SORCS1: variants seen among roughly 807,000 people sequenced by gnomAD.
The protein encoded by SORCS1 is VPS10 domain-containing receptor SorCS1.
A neutral mutation model predicts 146.1 loss-of-function variants in SORCS1; 60 were observed. The observed-to-expected ratio is 0.41, with a 90% CI of 0.33 to 0.51. The LOEUF (loss-of-function observed/expected upper bound fraction) is 0.51, where lower values mean the gene tolerates loss of function less well. Ranked by LOEUF, SORCS1 falls within the 20% of genes least tolerant of loss-of-function variation. The pLI is 0.21. For synonymous variants in SORCS1, 637 were observed against 584.0 expected (o/e 1.09, Z -1.31); for missense variants, 1,352 against 1,487.6 (o/e 0.91, Z 1.50).
At chr10:106,726,231 T>G (rs1418890000) in intron 6 of SORCS1, among the ~76,000 whole-genome samples, 4 of 136,834 alleles carry the variant, frequency 2.9e-5, no homozygotes, top group African/African-American at 1.1e-4. Flanking sequence ...TCAGGTGTTA[T>G]GCTTGGACCC....
intron 5 of SORCS1, among the ~76,000 whole-genome samples, chr10:106,740,982 C>T (rs970480330): frequency 6.6e-6 from 1 of 152,106 alleles, no homozygotes; most frequent in South Asian, 2.1e-4. Flanking sequence ...CCGAATAATA[C>T]GATTGTTGTG....
intron 1 of SORCS1, among the ~76,000 whole-genome samples, chr10:107,053,394 C>A (rs1960310848): frequency 6.6e-6 from 1 of 152,118 alleles, no homozygotes; most frequent in African/African-American, 2.4e-5. Flanking sequence ...ACAAAACAAT[C>A]CACGGGTCAC....
At chr10:107,096,102 G>A (rs570206394) in intron 1 of SORCS1, among the ~76,000 whole-genome samples, 1 of 152,120 alleles carries the variant, frequency 6.6e-6, no homozygotes, top group Non-Finnish European at 1.5e-5. Flanking sequence ...AAGTGGGCAC[G>A]GTTACTCATG....
chr10:107,071,168 T>C (rs574908674), intron 1 of SORCS1, among the ~76,000 whole-genome samples: 118 of 152,116 alleles, frequency 7.8e-4, no homozygotes, highest in South Asian at 6.9e-3. Flanking sequence ...CAGAGAAAAC[T>C]GGTTGTCCTC....
chr10:106,610,711 C>T (rs953830877), intron 22 of SORCS1, among the ~76,000 whole-genome samples: 2 of 152,184 alleles, frequency 1.3e-5, no homozygotes, highest in Non-Finnish European at 1.5e-5. Flanking sequence ...TAACTCACTT[C>T]TGATTTTCCG....
intron 2 of SORCS1, among the ~76,000 whole-genome samples, chr10:106,892,203 G>A (rs926104737): frequency 1.3e-5 from 2 of 152,186 alleles, no homozygotes; most frequent in Admixed American, 6.5e-5. Context: ...ATGGGAACAC[G>A]TGTCAACAAG....
intron 1 of SORCS1, among the ~76,000 whole-genome samples, chr10:107,154,016 T>C (rs1424624663): frequency 4.2e-5 from 6 of 141,984 alleles, no homozygotes; most frequent in Middle Eastern, 3.5e-3. Context: ...TTCTTTTTTT[T>C]TTTTTTTTTT....
intron 12 of SORCS1, among the ~76,000 whole-genome samples, chr10:106,678,116 G>T (rs1216824515): frequency 6.6e-6 from 1 of 152,168 alleles, no homozygotes; most frequent in African/African-American, 2.4e-5. Flanking sequence ...TTTCTCGTCA[G>T]ATTATTAGTG....
At chr10:107,077,544 T>G (rs1024433877) in intron 1 of SORCS1, among the ~76,000 whole-genome samples, 3 of 151,426 alleles carry the variant, frequency 2.0e-5, no homozygotes, top group African/African-American at 7.3e-5. Context: ...AGTTAATAAT[T>G]GGTGATGTTT....
chr10:106,846,678 GC>G, intron 2 of SORCS1, among the ~76,000 whole-genome samples: 1 of 14,512 alleles, frequency 6.9e-5, no homozygotes, highest in Non-Finnish European at 1.3e-4. Context: ...CAAAGGGAAT[GC>G]TTCCAGTTTT....
chr10:107,082,725 C>G (rs1482777127), intron 1 of SORCS1, among the ~76,000 whole-genome samples: 2 of 152,096 alleles, frequency 1.3e-5, no homozygotes, highest in Admixed American at 1.3e-4. Context: ...GATTTGCTCA[C>G]CTTGGCCTCC....
At chr10:106,609,544 A>C (rs1846833127) in intron 22 of SORCS1, among the ~76,000 whole-genome samples, 2 of 152,160 alleles carry the variant, frequency 1.3e-5, no homozygotes. Flanking sequence ...ACTGATCTCA[A>C]AGTCAGTGCA....
chr10:107,071,742 G>A (rs1481559462), intron 1 of SORCS1, among the ~76,000 whole-genome samples: 1 of 152,192 alleles, frequency 6.6e-6, no homozygotes, highest in African/African-American at 2.4e-5. Context: ...AGTCCAGTCA[G>A]CGGACAGAAA....
chr10:106,817,140 A>T (rs1449422157), intron 3 of SORCS1, among the ~76,000 whole-genome samples: 1 of 152,220 alleles, frequency 6.6e-6, no homozygotes, highest in African/African-American at 2.4e-5. Context: ...CTACTTCAAT[A>T]TCAAATACAT....
chr10:106,811,824 T>G (rs1410700609), intron 3 of SORCS1, among the ~76,000 whole-genome samples: 1 of 152,174 alleles, frequency 6.6e-6, no homozygotes, highest in African/African-American at 2.4e-5. Context: ...TACTCTTTAG[T>G]TACTATGTAG....
rs144682741 is a variant in SORCS1 at position 106,766,428 on chromosome 10, C to T, written c.886-4767G>A. On this transcript the variant is annotated intron_variant, in intron 4 of 25. Coordinates refer to ENST00000263054, the MANE Select transcript of SORCS1 (RefSeq NM_052918.5). ...TTCATATAAATTCCTAATGCCAGGC[C>T]TGAGGCATCACAAATATCAAGTTCT... Among the ~76,000 whole-genome samples, 383 of 152,262 alleles carry T rather than the reference C, an allele frequency of 2.5e-3. 1 individual carries two copies. The highest frequency in any genetic ancestry group is 8.8e-3 in the African/African-American group (367 of 41,544).
intron 22 of SORCS1, among the ~76,000 whole-genome samples, chr10:106,609,858 T>A (rs2133401827): frequency 6.6e-6 from 1 of 152,290 alleles, no homozygotes; most frequent in East Asian, 1.9e-4. Context: ...GCTGAGCTAG[T>A]GCTTGGTTGA....
chr10:106,888,500 T>C (rs1392810408), intron 2 of SORCS1, among the ~76,000 whole-genome samples: 2 of 152,218 alleles, frequency 1.3e-5, no homozygotes, highest in African/African-American at 4.8e-5. Flanking sequence ...CTGGAAACCA[T>C]AGATGACCAA....
intron 2 of SORCS1, among the ~76,000 whole-genome samples, chr10:106,954,688 T>C (rs1024779893): frequency 2.0e-5 from 3 of 152,274 alleles, no homozygotes; most frequent in African/African-American, 7.2e-5. Context: ...GACTGGGCAG[T>C]TGGGCTACCA....
Sources: allele counts gnomAD v4.1 joint callset (sites outside exome capture counted in the v4.1 genomes callset), GRCh38; gene constraint gnomAD v4.1.1; transcripts MANE v1.5; gene names NCBI Gene and HGNC (gene_info 2026-07-23, HGNC 2026-07-21).